SLC49A4: variants seen among roughly 807,000 people sequenced by gnomAD.
SLC49A4 encodes the protein solute carrier family 49 member 4.
A neutral mutation model predicts 50.6 loss-of-function variants in SLC49A4; 36 were observed. The ratio of observed to expected loss-of-function variants is 0.71; its 90% CI spans 0.55 to 0.94. The LOEUF is 0.94. Ranked by LOEUF, SLC49A4 falls within the 40% of genes least tolerant of loss-of-function variation. SLC49A4 has a pLI of 0.00. For missense variants in SLC49A4, 503 were observed against 605.7 expected, an observed-to-expected ratio of 0.83 and a Z score of 1.78; for synonymous variants, 248 against 241.2, an observed-to-expected ratio of 1.03 and a Z score of -0.26.
chr3:122,826,253 A>G (rs1936526038), intron 2 of SLC49A4, among the ~76,000 whole-genome samples: 1 of 152,142 alleles, frequency 6.6e-6, no homozygotes. Context: ...TTGTATTTCC[A>G]CCATTTGGCA....
At chr3:122,857,797 C>A (rs1174746622) in intron 6 of SLC49A4, among the ~76,000 whole-genome samples, 2 of 152,070 alleles carry the variant, frequency 1.3e-5, no homozygotes, top group Non-Finnish European at 2.9e-5. Context: ...AGTCATTGAT[C>A]ACATCCTATT....
At chr3:122,847,749 A>T (rs1460869135) in intron 5 of SLC49A4, among the ~76,000 whole-genome samples, 1 of 152,134 alleles carries the variant, frequency 6.6e-6, no homozygotes, top group Non-Finnish European at 1.5e-5. Flanking sequence ...ACATAAAATT[A>T]AAAAAATTAA....
intron 7 of SLC49A4, among the ~76,000 whole-genome samples, chr3:122,862,329 A>G (rs1937066849): frequency 6.6e-6 from 1 of 152,126 alleles, no homozygotes; most frequent in African/African-American, 2.4e-5. Context: ...AAGAACAAAG[A>G]AGGCCTGGAA....
At chr3:122,846,834 A>G (rs1936859996) in intron 5 of SLC49A4, among the ~76,000 whole-genome samples, 2 of 152,126 alleles carry the variant, frequency 1.3e-5, no homozygotes, top group South Asian at 4.1e-4. Flanking sequence ...TCTCTTGCCC[A>G]CTATTGGGCT....
At chr3:122,798,154 C>T (rs949907618) in intron 1 of SLC49A4, among the ~76,000 whole-genome samples, 2 of 152,154 alleles carry the variant, frequency 1.3e-5, no homozygotes, top group African/African-American at 4.8e-5. Flanking sequence ...TCTTTAGTTT[C>T]CTCCAATCTG....
chr3:122,860,156 C>T lies in SLC49A4; in HGVS notation c.1092C>T (p.Phe364=), dbSNP rs752943122. 4 of 1,612,874 alleles carry T rather than the reference C, an allele frequency of 2.5e-6. No individual in the cohort carries two copies. In the Admixed American group the frequency reaches 5.0e-5, roughly 20 times the overall value. Residue 364 remains phenylalanine (F), a synonymous_variant, in exon 7 of 9, where the codon TTC becomes TTT. Transcript: ENST00000261038. ...GAGCTACACTGTCATCCACGTGGTT[C>T]ACCCTGACCTGTTTGAACAGCATCA... The part of the protein sequence containing the change: ...FSGATLSSTW[F]TLTCLNSITH...
intron 2 of SLC49A4, among the ~76,000 whole-genome samples, chr3:122,821,011 C>G (rs1441396175): frequency 1.3e-5 from 2 of 152,166 alleles, no homozygotes; most frequent in African/African-American, 4.8e-5. Context: ...GTGGTTACCC[C>G]CATGCTGCTG....
intron 2 of SLC49A4, among the ~76,000 whole-genome samples, chr3:122,813,639 A>G (rs1936328691): frequency 6.6e-6 from 1 of 152,222 alleles, no homozygotes; most frequent in African/African-American, 2.4e-5. Flanking sequence ...TTTTCTTTGA[A>G]ATAAGGATTT....
intron 3 of SLC49A4, among the ~76,000 whole-genome samples, chr3:122,828,138 T>C (rs1423311742): frequency 6.6e-6 from 1 of 152,242 alleles, no homozygotes. Context: ...TGTTCACTTA[T>C]AAATTTCACA....
chr3:122,851,348 T>C (rs1936922537), intron 5 of SLC49A4, among the ~76,000 whole-genome samples: 2 of 152,216 alleles, frequency 1.3e-5, no homozygotes, highest in Non-Finnish European at 2.9e-5. Context: ...AGTTTGGTGT[T>C]TGCATTTTAT....
At chr3:122,799,543 C>A (rs141776357) in intron 1 of SLC49A4, among the ~76,000 whole-genome samples, 2 of 152,272 alleles carry the variant, frequency 1.3e-5, no homozygotes, top group East Asian at 1.9e-4. Flanking sequence ...CCAGGAGATA[C>A]AGGGCCCTGT....
intron 1 of SLC49A4, among the ~76,000 whole-genome samples, chr3:122,798,162 C>G (rs1283173061): frequency 6.6e-6 from 1 of 152,198 alleles, no homozygotes; most frequent in Non-Finnish European, 1.5e-5. Flanking sequence ...TTCCTCCAAT[C>G]TGTGATAATT....
chr3:122,820,784 C>G (rs1300685089), intron 2 of SLC49A4, among the ~76,000 whole-genome samples: 2 of 152,242 alleles, frequency 1.3e-5, no homozygotes, highest in Non-Finnish European at 2.9e-5. Flanking sequence ...TGGGTCCTCT[C>G]CTATTCCTGC....
chr3:122,826,969 C>G lies in SLC49A4; in HGVS notation c.607C>G (p.Leu203Val). The change falls in exon 3 of 9, where the codon CTT becomes GTT. Residue 203 changes from leucine to valine, a missense_variant. Coordinates refer to ENST00000261038, the MANE Select transcript of SLC49A4 (RefSeq NM_032839.3). ...AGCATGTGCATTTTTAGTTGGACCACTTGTTGTTCCAGCTCCCAATGGGAC... is the reference window on the plus strand; with the variant it reads ...AGCATGTGCATTTTTAGTTGGACCAGTTGTTGTTCCAGCTCCCAATGGGAC... Reference protein sequence around the residue: ...GGACAFLVGPLVVPAPNGTSP... With the variant: ...GGACAFLVGPVVVPAPNGTSP... 3 of 1,614,198 alleles carry G rather than the reference C, an allele frequency of 1.9e-6. No homozygotes were observed. Among genetic ancestry groups the G allele is most frequent in the Non-Finnish European group, 2.5e-6 (3 of 1,180,030 alleles).
rs766839126 is a variant in SLC49A4, at chr3:122,879,293, G to A, written c.1352G>A (p.Gly451Glu). The change falls in exon 9 of 9, where the codon GGG becomes GAG. Residue 451 changes from glycine (G) to glutamate (E), a missense_variant. Transcript: ENST00000261038. Reference protein sequence around the residue: ...ELSWFNWCLPGSCLLSLLLIL... With the variant: ...ELSWFNWCLPESCLLSLLLIL... ...TCTTGGTTCAACTGGTGCCTTCCCG[G>A]GTCGTGTTTGCTCAGTCTCCTCCTC... 6.2e-7 allele frequency: 1 copy of A among 1,613,920 alleles called. No individual in the cohort carries two copies. Among genetic ancestry groups the A allele is most frequent in the East Asian group, 2.2e-5 (1 of 44,860 alleles).
intron 4 of SLC49A4, among the ~76,000 whole-genome samples, chr3:122,842,151 T>C (rs970686015): frequency 6.6e-6 from 1 of 152,022 alleles, no homozygotes; most frequent in Admixed American, 6.6e-5. Context: ...CTTTAGGAAA[T>C]GAGTCACTGA....
At chr3:122,836,880 T>C (rs943192526) in intron 4 of SLC49A4, among the ~76,000 whole-genome samples, 4 of 152,146 alleles carry the variant, frequency 2.6e-5, no homozygotes, top group Non-Finnish European at 5.9e-5. Context: ...GGATACAAAA[T>C]TAATGTACAA....
intron 5 of SLC49A4, among the ~76,000 whole-genome samples, chr3:122,848,750 G>A (rs1388525234): frequency 6.6e-6 from 1 of 152,156 alleles, no homozygotes; most frequent in Non-Finnish European, 1.5e-5. Flanking sequence ...CCTGTGCACA[G>A]TGTATAATGA....
chr3:122,880,287 A>G lies in SLC49A4; in HGVS notation c.*909A>G, dbSNP rs1210800160. 1 of 152,186 alleles carries G rather than the reference A, an allele frequency of 6.6e-6. No homozygotes were observed. The highest frequency in any genetic ancestry group is 1.9e-4 in the East Asian group (1 of 5,198). 9.4% of individuals were successfully genotyped at this position (152,186 alleles called of 1,614,324 possible). On this transcript the variant is annotated 3_prime_UTR_variant, in exon 9 of 9. Transcript: ENST00000261038. The stretch of plus-strand genomic sequence containing the variant: ...TCAGTGACCCTTGTTTAAAAATAAT[A>G]ATTTATCACATTGAAACTTTCAGCT...
Sources: gnomAD v4.1 joint callset for allele counts (sites outside exome capture counted in the v4.1 genomes callset) on GRCh38, gnomAD v4.1.1 for gene constraint, MANE v1.5 for transcripts, NCBI Gene and HGNC (gene_info 2026-07-23, HGNC 2026-07-21) for gene names.